Variants in TNFRSF11B observed in about 807,000 individuals in gnomAD.
TNFRSF11B encodes tumor necrosis factor receptor superfamily member 11B.
A neutral mutation model predicts 43.4 loss-of-function variants in TNFRSF11B; 16 were observed. The ratio of observed to expected loss-of-function variants is 0.37; its 90% confidence interval spans 0.25 to 0.56. The LOEUF is 0.56. Ranked by LOEUF, TNFRSF11B falls within the 20% of genes least tolerant of loss-of-function variation. The probability of loss-of-function intolerance (pLI) is 0.80; values close to 1 mark genes in which losing one functional copy is unlikely to be tolerated. For missense variants in TNFRSF11B, 444 were observed against 490.1 expected (o/e 0.91, Z 0.89); for synonymous variants, 185 against 181.8 (o/e 1.02, Z -0.14).
At chr8:118,933,946 C>T (rs1313777440) in intron 1 of TNFRSF11B, among the ~76,000 whole-genome samples, 2 of 152,056 alleles carry the variant, frequency 1.3e-5, no homozygotes, top group Admixed American at 1.3e-4. Flanking sequence ...TGGAGTTAAT[C>T]CAATTAGAGG....
chr8:118,931,143 A>G (rs560182002), intron 2 of TNFRSF11B, among the ~76,000 whole-genome samples: 1 of 152,318 alleles, frequency 6.6e-6, no homozygotes, highest in African/African-American at 2.4e-5. Context: ...TGGAGAGGAG[A>G]CAATCTGATT....
Position 118,940,507 on chromosome 8 carries a change from T to C in TNFRSF11B, c.31-7207A>G, listed in dbSNP as rs1214329640. Among the ~76,000 whole-genome samples, 3 of 152,238 alleles carry C rather than the reference T, an allele frequency of 2.0e-5. 1 individual carries two copies. Among genetic ancestry groups the C allele is most frequent in the Middle Eastern group, 6.8e-3 (2 of 294 alleles). On this transcript the variant is annotated intron_variant, in intron 1 of 4. Transcript: ENST00000297350. ...CATGATCCCACCCCTACAATAAGAA[T>C]AAGACTTATTTTTACCTACCTCACT...
At chr8:118,935,954 G>C (rs764815970) in intron 1 of TNFRSF11B, among the ~76,000 whole-genome samples, 2 of 152,052 alleles carry the variant, frequency 1.3e-5, no homozygotes, top group African/African-American at 4.8e-5. Flanking sequence ...TCATCAACAC[G>C]GACTCTTCTC....
chr8:118,924,474 A>G lies in TNFRSF11B; in HGVS notation c.1106T>C (p.Ile369Thr). 2 of 1,614,006 alleles carry G rather than the reference A, an allele frequency of 1.2e-6. No individual in the cohort carries two copies. The highest frequency in any genetic ancestry group is 1.7e-6 in the Non-Finnish European group (2 of 1,179,926). The change falls in exon 5 of 5, where the codon ATC (isoleucine) becomes ACC (threonine). Residue 369 changes from isoleucine to threonine, a missense_variant. Transcript: ENST00000297350. Reference protein sequence around the residue: ...KTVTQSLKKTIRFLHSFTMYK... With the variant: ...KTVTQSLKKTTRFLHSFTMYK... ...CATTGTGAAGCTGTGAAGGAACCTG[A>G]TGGTCTTCTTTAGACTCTGAGTGAC...
chr8:118,934,702 T>C (rs955562626), intron 1 of TNFRSF11B, among the ~76,000 whole-genome samples: 2 of 151,086 alleles, frequency 1.3e-5, no homozygotes, highest in Non-Finnish European at 3.0e-5. Flanking sequence ...TGTTTGTTTT[T>C]GGTACAGAGA....
Position 118,945,359 on chromosome 8 carries a change from G to C in TNFRSF11B, c.30+6433C>G, listed in dbSNP as rs1164426717. 2.6e-5 allele frequency among the ~76,000 whole-genome samples: 4 copies of C among 152,038 alleles called. No homozygotes were observed. The East Asian group carries it at 7.7e-4, about 29-fold the overall frequency. ...ATGACCTATTCTAACCTCTATTTTA[G>C]AGATGCTGGAAGTAAGACCCATAGA... On this transcript the variant is annotated intron_variant, in intron 1 of 4. Transcript: ENST00000297350.
At chr8:118,945,217 G>A (rs1563693834) in intron 1 of TNFRSF11B, among the ~76,000 whole-genome samples, 1 of 152,080 alleles carries the variant, frequency 6.6e-6, no homozygotes, top group Admixed American at 6.6e-5. Context: ...TTCCTATAAT[G>A]TTTTTTATAG....
At chr8:118,930,806 G>A (rs996319833) in intron 2 of TNFRSF11B, 2 of 426,814 alleles carry the variant, frequency 4.7e-6, no homozygotes, top group South Asian at 1.7e-5. Context: ...ATTTCTTTTA[G>A]GTAAGTTAGC....
intron 1 of TNFRSF11B, among the ~76,000 whole-genome samples, chr8:118,936,808 A>AAAAAC (rs922020730): frequency 8.5e-5 from 13 of 152,282 alleles, no homozygotes; most frequent in African/African-American, 1.4e-4. Context: ...GTCTCAAAAC[A>AAAAAC]AAAACAAAAC....
chr8:118,949,924 A>C (rs1563695034), intron 1 of TNFRSF11B, among the ~76,000 whole-genome samples: 1 of 152,210 alleles, frequency 6.6e-6, no homozygotes, highest in African/African-American at 2.4e-5. Flanking sequence ...TTTTCAAAAT[A>C]AAGTAAGTCT....
chr8:118,942,864 G>A (rs148037458), intron 1 of TNFRSF11B, among the ~76,000 whole-genome samples: 1 of 152,062 alleles, frequency 6.6e-6, no homozygotes, highest in African/African-American at 2.4e-5. Flanking sequence ...ACATATAAAT[G>A]GTCAACTGCA....
intron 1 of TNFRSF11B, among the ~76,000 whole-genome samples, chr8:118,945,343 T>A (rs1420037975): frequency 3.3e-5 from 5 of 152,106 alleles, no homozygotes; most frequent in Non-Finnish European, 7.4e-5. Context: ...TATGACCTAT[T>A]CTAACCTCTA....
chr8:118,928,787 G>C lies in TNFRSF11B; in HGVS notation c.543C>G (p.His181Gln). ...LLLTQKGNAT[H>Q]DNICSGNSES... ...CACTGTTTCCGGAACATATGTTGTC[G>C]TGTGTTGCATTTCCTTTCTGAGTTA... Residue 181 changes from histidine (H) to glutamine (Q), a missense_variant, in exon 3 of 5, where the codon CAC becomes CAG. Transcript: ENST00000297350. 1.2e-6 allele frequency: 2 copies of C among 1,614,140 alleles called. No homozygotes were observed. The highest frequency in any genetic ancestry group is 1.7e-6 in the Non-Finnish European group (2 of 1,180,020).
chr8:118,933,398 T>TTAA, intron 1 of TNFRSF11B, 98 bp from the exon 2 acceptor site: 1 of 1,559,686 alleles, frequency 6.4e-7, no homozygotes, highest in East Asian at 2.2e-5. Flanking sequence ...CTGTATTACC[T>TTAA]TAAGCCTAAT....
In TNFRSF11B at chr8:118,926,695, A is replaced by G; in HGVS notation, c.616T>C (p.Phe206Leu). The G allele has an allele frequency of 6.2e-7, 1 of 1,613,976 alleles. No homozygotes were observed. Among genetic ancestry groups the G allele is most frequent in the Non-Finnish European group, 8.5e-7 (1 of 1,179,920 alleles). ...GIDVTLCEEA[F>L]FRFAVPTKFT... ...TTTGTAGGAACAGCAAACCTGAAGAATGCCTCCTCACACAGGGTAACATCT... is the reference window on the plus strand; with the variant it reads ...TTTGTAGGAACAGCAAACCTGAAGAGTGCCTCCTCACACAGGGTAACATCT... Residue 206 changes from phenylalanine to leucine, a missense_variant, in exon 4 of 5, where the codon TTC (phenylalanine) becomes CTC (leucine). Physicochemically the swap from Phe to Leu is conservative, Grantham distance 22. Coordinates refer to ENST00000297350, the MANE Select transcript of TNFRSF11B (RefSeq NM_002546.4).
At position 118,932,943 on chromosome 8, in the gene TNFRSF11B, C is replaced by T. The variant is rs749701904; in HGVS notation, c.388G>A (p.Val130Met). 2 of 1,614,200 alleles carry T rather than the reference C, an allele frequency of 1.2e-6. No homozygotes were observed. Among genetic ancestry groups the T allele is most frequent in the Non-Finnish European group, 1.7e-6 (2 of 1,180,044 alleles). Reference protein sequence around the residue: ...KHRSCPPGFGVVQAGTPERNT... With the variant: ...KHRSCPPGFGMVQAGTPERNT... ...CATTGACACGTACCAGCTTGCACCA[C>T]TCCAAATCCAGGAGGGCAGCTCCTA... The change falls in exon 2 of 5, where the codon GTG becomes ATG. Residue 130 changes from valine (V) to methionine (M), a missense_variant. By Grantham distance (21) the Val-to-Met change is conservative (BLOSUM62 1). Coordinates refer to ENST00000297350, the MANE Select transcript of TNFRSF11B (RefSeq NM_002546.4).
chr8:118,934,829 T>G (rs1812379325), intron 1 of TNFRSF11B, among the ~76,000 whole-genome samples: 1 of 152,178 alleles, frequency 6.6e-6, no homozygotes. Flanking sequence ...GGAAAAGGCA[T>G]GCCAAGCTAG....
intron 1 of TNFRSF11B, among the ~76,000 whole-genome samples, chr8:118,948,788 C>CA (rs1328346721): frequency 2.3e-3 from 223 of 97,186 alleles, no homozygotes; most frequent in African/African-American, 7.0e-3. Context: ...AACAAACAAA[C>CA]AAACAAAAAA....
chr8:118,925,457 C>T (rs1035837568), intron 4 of TNFRSF11B, among the ~76,000 whole-genome samples: 15 of 151,982 alleles, frequency 9.9e-5, no homozygotes, highest in African/African-American at 2.2e-4. Context: ...CCAATTCTAA[C>T]GGTCTCTGAT....
Sources: gnomAD v4.1 joint callset for allele counts (sites outside exome capture counted in the v4.1 genomes callset) on GRCh38, gnomAD v4.1.1 for gene constraint, MANE v1.5 for transcripts, NCBI Gene and HGNC (gene_info 2026-07-23, HGNC 2026-07-21) for gene names.